CPNE2: variants seen among roughly 807,000 people sequenced by gnomAD.
CPNE2 encodes copine 2.
A neutral mutation model predicts 69.7 loss-of-function variants in CPNE2; 42 were observed. The ratio of observed to expected loss-of-function variants is 0.60; its 90% confidence interval spans 0.47 to 0.78. The LOEUF is 0.78. CPNE2 is among the 30% of genes least tolerant of loss of function. The pLI is 0.00. For synonymous variants in CPNE2, 294 were observed against 289.8 expected, an observed-to-expected ratio of 1.01 and a Z score of -0.15; for missense variants, 587 against 732.0, an observed-to-expected ratio of 0.80 and a Z score of 2.29.
chr16:57,119,667 G>A lies in CPNE2; in HGVS notation c.681+17G>A. 1 of 1,575,054 alleles carries A rather than the reference G, an allele frequency of 6.3e-7. No homozygotes were observed. Among genetic ancestry groups the A allele is most frequent in the African/African-American group, 1.4e-5 (1 of 73,838 alleles). Reference sequence around the variant, plus strand: ...CCCATCCAGGTGAGGGGGCTCTGGGGACCCTGCTCCCCACCTTGCCAGCTC... The same window carrying A: ...CCCATCCAGGTGAGGGGGCTCTGGGAACCCTGCTCCCCACCTTGCCAGCTC... On this transcript the variant is annotated intron_variant, in intron 7 of 15. Transcript: ENST00000290776.
chr16:57,117,789 T>C (rs2069730857), intron 5 of CPNE2, among the ~76,000 whole-genome samples: 2 of 152,290 alleles, frequency 1.3e-5, no homozygotes, highest in Admixed American at 1.3e-4. Flanking sequence ...GGAAACCTGC[T>C]CATTGGGGCA....
rs1284325582 is a variant in CPNE2, at chr16:57,130,207, C to T, written c.1116+2304C>T. 4.6e-5 allele frequency among the ~76,000 whole-genome samples: 7 copies of T among 151,866 alleles called. No individual in the cohort carries two copies. The highest frequency in any genetic ancestry group is 1.0e-4 in the Non-Finnish European group (7 of 67,980). On this transcript the variant is annotated intron_variant, in intron 12 of 15. Transcript: ENST00000290776. This position sits in a 1 kb window ranked among gnomAD's most constrained non-coding sequence, Gnocchi z 4.1. ...CAGCCTGGCCAACATGGTGAAACCC[C>T]GTCTCTACTAAAAATACAAAAATTA...
intron 10 of CPNE2, chr16:57,125,059 A>G (rs2069790753): frequency 3.0e-6 from 1 of 327,956 alleles, no homozygotes. Context: ...CCTACCCCAC[A>G]GCAACTGAGT....
intron 9 of CPNE2, 27 bp downstream of exon 9, chr16:57,121,787 CA>C: frequency 6.2e-7 from 1 of 1,606,642 alleles, no homozygotes; most frequent in Non-Finnish European, 8.5e-7. Context: ...AAGCACGAGC[CA>C]GGGGCCAGGT....
At chr16:57,134,952 C>A in intron 13 of CPNE2, 126 bp downstream of exon 13, 1 of 1,014,986 alleles carries the variant, frequency 9.9e-7, no homozygotes, top group Non-Finnish European at 1.5e-6. Flanking sequence ...TACTGTTGCT[C>A]AGAGTGACAG....
intron 14 of CPNE2, 51 bp downstream of exon 14, chr16:57,137,333 G>A: frequency 1.2e-6 from 2 of 1,602,040 alleles, no homozygotes. Flanking sequence ...CACGTCCTCT[G>A]GGCTGGGGGG....
rs193138486 is a variant in CPNE2, at chr16:57,146,066, G to A, written c.1303-19G>A. The A allele has an allele frequency of 7.0e-5, 112 of 1,595,242 alleles. No individual in the cohort carries two copies. Among genetic ancestry groups the A allele is most frequent in the South Asian group, 3.3e-4 (29 of 88,410 alleles). Reference sequence around the variant, plus strand: ...GAGCCTCGACCTTGCTGAGTGCCCCGTTGGCCCCCTCCCTGCAGCAGTACT... The same window carrying A: ...GAGCCTCGACCTTGCTGAGTGCCCCATTGGCCCCCTCCCTGCAGCAGTACT... On this transcript the variant is annotated intron_variant, in intron 14 of 15. Transcript: ENST00000290776. The surrounding 1 kb of genome is among the most constrained non-coding windows in gnomAD (Gnocchi z 4.4).
intron 10 of CPNE2, chr16:57,124,405 G>A (rs1404632016): frequency 6.6e-6 from 3 of 456,110 alleles, no homozygotes; most frequent in South Asian, 1.6e-5. Context: ...TATTTTCTGG[G>A]CACTTGCCGC....
chr16:57,106,550 G>A lies in CPNE2; in HGVS notation c.-35-4158G>A, dbSNP rs74022137. On this transcript the variant is annotated intron_variant, in intron 1 of 15. Transcript: ENST00000290776. Reference sequence around the variant, plus strand: ...TGTATGTGTGTATATGTGACCACACGTGTGTAAATGGACAAGGAAGCAGGT... The same window carrying A: ...TGTATGTGTGTATATGTGACCACACATGTGTAAATGGACAAGGAAGCAGGT... 8.8e-3 allele frequency among the ~76,000 whole-genome samples: 1,341 copies of A among 152,310 alleles called. 18 individuals carry two copies. The highest frequency in any genetic ancestry group is 0.031 in the African/African-American group (1,286 of 41,560).
intron 1 of CPNE2, among the ~76,000 whole-genome samples, chr16:57,099,750 C>T (rs1199806164): frequency 6.0e-5 from 9 of 150,928 alleles, no homozygotes; most frequent in Non-Finnish European, 8.8e-5. Flanking sequence ...TACAGGCATC[C>T]GCCACCATGT....
chr16:57,119,148 C>T (rs1054555853), intron 5 of CPNE2, 47 bp from the exon 6 acceptor site: 11 of 1,556,712 alleles, frequency 7.1e-6, no homozygotes, highest in South Asian at 1.1e-5. Context: ...CTGCCTGAAC[C>T]TAGCAGGGCT....
intron 8 of CPNE2, 33 bp from the exon 9 acceptor site, chr16:57,121,641 G>A (rs751052504): frequency 4.4e-6 from 7 of 1,603,800 alleles, no homozygotes; most frequent in African/African-American, 2.7e-5. Flanking sequence ...AAGAAGCCCC[G>A]AGGTGAGTGT....
chr16:57,127,771 G>C (rs530257478), intron 11 of CPNE2, 78 bp from the exon 12 acceptor site: 3 of 1,415,072 alleles, frequency 2.1e-6, no homozygotes, highest in African/African-American at 2.9e-5. Context: ...ATGAGGCAGA[G>C]TGGGCCCAGC....
chr16:57,122,569 C>T (rs1474916808), intron 9 of CPNE2, among the ~76,000 whole-genome samples: 1 of 152,140 alleles, frequency 6.6e-6, no homozygotes, highest in Non-Finnish European at 1.5e-5. Context: ...TTTTTTGAAT[C>T]AGTCTTTCTT....
chr16:57,138,332 A>G (rs1260384269), intron 14 of CPNE2, among the ~76,000 whole-genome samples: 9 of 152,090 alleles, frequency 5.9e-5, no homozygotes, highest in Admixed American at 5.2e-4. Context: ...CAGGTCTCTC[A>G]GTGGACCCTG....
At chr16:57,118,751 T>C (rs1252670759) in intron 5 of CPNE2, among the ~76,000 whole-genome samples, 1 of 152,188 alleles carries the variant, frequency 6.6e-6, no homozygotes, top group Non-Finnish European at 1.5e-5. Context: ...AAACCTTAAA[T>C]GATTTTTTAA....
intron 12 of CPNE2, 130 bp downstream of exon 12, chr16:57,128,033 C>A (rs2069812784): frequency 5.8e-6 from 5 of 867,452 alleles, no homozygotes; most frequent in South Asian, 2.9e-5. Context: ...TCACCCCAGG[C>A]CACGCTCATT....
intron 5 of CPNE2, among the ~76,000 whole-genome samples, chr16:57,118,401 C>A (rs557816309): frequency 4.5e-4 from 68 of 151,038 alleles, no homozygotes; most frequent in African/African-American, 1.6e-3. Flanking sequence ...TCTCGATCTC[C>A]TGACCTTGTG....
intron 14 of CPNE2, 55 bp downstream of exon 14, chr16:57,137,337 T>A: frequency 6.2e-7 from 1 of 1,600,166 alleles, no homozygotes; most frequent in Non-Finnish European, 8.5e-7. Context: ...TCCTCTGGGC[T>A]GGGGGGCAGG....
Sources: gnomAD v4.1 joint callset for allele counts (sites outside exome capture counted in the v4.1 genomes callset) on GRCh38, gnomAD v4.1.1 for gene constraint, Gnocchi (gnomAD v3.1) non-coding constraint, MANE v1.5 for transcripts, NCBI Gene and HGNC (gene_info 2026-07-23, HGNC 2026-07-21) for gene names.